TCP11L1: variants seen among roughly 807,000 people sequenced by gnomAD.
TCP11L1 encodes T-complex protein 11-like protein 1.
TCP11L1 carries 28 observed loss-of-function variants against 48.9 expected under a neutral mutation model. That is an observed-to-expected ratio of 0.57 (90% CI 0.42 to 0.78). TCP11L1 has a LOEUF of 0.78. TCP11L1 is among the 30% of genes least tolerant of loss of function. The probability of loss-of-function intolerance (pLI) is 0.00; values close to 1 mark genes in which losing one functional copy is unlikely to be tolerated. For synonymous variants in TCP11L1, 204 were observed against 231.9 expected, an observed-to-expected ratio of 0.88 and a Z score of 1.09; for missense variants, 505 against 613.4, an observed-to-expected ratio of 0.82 and a Z score of 1.87.
intron 1 of TCP11L1, among the ~76,000 whole-genome samples, chr11:33,042,320 C>T (rs932150645): frequency 6.6e-6 from 1 of 152,016 alleles, no homozygotes; most frequent in Non-Finnish European, 1.5e-5. Flanking sequence ...TTAGTGGAGA[C>T]GGGGTTTCAG....
At position 33,067,831 on chromosome 11, in the gene TCP11L1, TG is replaced by T. The variant is rs1283385721; in HGVS notation, c.1155-851del. On this transcript the variant is annotated intron_variant, in intron 8 of 9. Transcript: ENST00000334274. The stretch of plus-strand genomic sequence containing the variant: ...TCCCCACAGGCACCCTGGGAGAGCC[TG>T]GGGGACCCAGGGTATCCAGGTACTC... Among the ~76,000 whole-genome samples the T allele has an allele frequency of 2.0e-5, 3 of 152,148 alleles. No homozygotes were observed. In the East Asian group the frequency reaches 5.8e-4, roughly 29 times the overall value.
chr11:33,063,951 A>T (rs1237293944), intron 7 of TCP11L1, among the ~76,000 whole-genome samples: 2 of 152,046 alleles, frequency 1.3e-5, no homozygotes, highest in African/African-American at 4.8e-5. Context: ...TGACATGTCT[A>T]TTTAAAAATA....
intron 8 of TCP11L1, among the ~76,000 whole-genome samples, chr11:33,067,559 G>C (rs1394361218): frequency 2.6e-5 from 4 of 152,210 alleles, no homozygotes; most frequent in Non-Finnish European, 4.4e-5. Context: ...CTGTCACCTA[G>C]GTCCCCTGCC....
chr11:33,063,035 T>A (rs924636719), intron 7 of TCP11L1, among the ~76,000 whole-genome samples: 2 of 152,082 alleles, frequency 1.3e-5, no homozygotes, highest in African/African-American at 4.8e-5. Flanking sequence ...AATTTTTAAG[T>A]GTGTTTTTTG....
chr11:33,042,684 G>A (rs1323346942), intron 1 of TCP11L1, among the ~76,000 whole-genome samples: 1 of 152,208 alleles, frequency 6.6e-6, no homozygotes, highest in Non-Finnish European at 1.5e-5. Flanking sequence ...TGTAATCCCA[G>A]TACTTTGGGA....
intron 5 of TCP11L1, among the ~76,000 whole-genome samples, chr11:33,058,563 A>G (rs1032748972): frequency 6.6e-6 from 1 of 151,546 alleles, no homozygotes; most frequent in East Asian, 1.9e-4. Flanking sequence ...AAAAAAAAAA[A>G]TTTGTAAAAT....
Position 33,066,829 on chromosome 11 carries a change from A to G in TCP11L1, c.1154+818A>G, listed in dbSNP as rs146263358. ...AATTGGGACAAAAATGTTTGTGACTAGGACCTGCAGTAAGAAATTCATTTT... is the reference window on the plus strand; with the variant it reads ...AATTGGGACAAAAATGTTTGTGACTGGGACCTGCAGTAAGAAATTCATTTT... On this transcript the variant is annotated intron_variant, in intron 8 of 9. Coordinates refer to ENST00000334274, the MANE Select transcript of TCP11L1 (RefSeq NM_018393.4). 4.7e-3 allele frequency among the ~76,000 whole-genome samples: 720 copies of G among 152,336 alleles called. 7 individuals are homozygous for G. Among genetic ancestry groups the G allele is most frequent in the Admixed American group, 7.6e-3 (117 of 15,304 alleles).
rs1472972738 is a variant in TCP11L1 at position 33,054,624 on chromosome 11, A to G, written c.195A>G (p.Glu65=). The G allele has an allele frequency of 5.6e-6, 9 of 1,613,532 alleles. No individual in the cohort carries two copies. Among genetic ancestry groups the G allele is most frequent in the Non-Finnish European group, 7.6e-6 (9 of 1,179,832 alleles). ...SSPPRFVTVE[E]LLETARGVTN... ...CTCCTCGCTTTGTGACAGTAGAAGA[A>G]CTTCTAGAGACAGCGAGAGGTGTCA... Residue 65 remains glutamate (E), a synonymous_variant, in exon 3 of 10, where the codon GAA becomes GAG. Coordinates refer to ENST00000334274, the MANE Select transcript of TCP11L1 (RefSeq NM_018393.4).
At chr11:33,042,352 G>A (rs868687385) in intron 1 of TCP11L1, among the ~76,000 whole-genome samples, 1 of 152,104 alleles carries the variant, frequency 6.6e-6, no homozygotes, top group South Asian at 2.1e-4. Flanking sequence ...GGATGGTCTC[G>A]ATCTCTTGAC....
chr11:33,040,489 A>G (rs1022706301), intron 1 of TCP11L1: 1 of 152,278 alleles, frequency 6.6e-6, no homozygotes, highest in Non-Finnish European at 1.5e-5. Flanking sequence ...CCAGCCTCCC[A>G]GATACAGTGA....
At chr11:33,064,495 C>G (rs989709866) in intron 7 of TCP11L1, among the ~76,000 whole-genome samples, 21 of 152,204 alleles carry the variant, frequency 1.4e-4, no homozygotes, top group African/African-American at 3.9e-4. Flanking sequence ...TCTGTGCAGC[C>G]TTTCCCTTCT....
rs1347658378 is a variant in TCP11L1, at chr11:33,070,692, A to C, written c.1328-1782A>C. On this transcript the variant is annotated intron_variant, in intron 9 of 9. Coordinates refer to ENST00000334274, the MANE Select transcript of TCP11L1 (RefSeq NM_018393.4). The stretch of plus-strand genomic sequence containing the variant: ...AAGAGCTAAAGTCTGTCTCAAAAAA[A>C]AAAAAAAAAAAAAGAATAAGGGTGA... 4.1e-3 allele frequency among the ~76,000 whole-genome samples: 623 copies of C among 151,212 alleles called. 3 individuals are homozygous for C. The highest frequency in any genetic ancestry group is 7.7e-3 in the Non-Finnish European group (524 of 67,788).
At chr11:33,043,291 T>C (rs1263240452) in intron 1 of TCP11L1, among the ~76,000 whole-genome samples, 1 of 152,184 alleles carries the variant, frequency 6.6e-6, no homozygotes, top group Non-Finnish European at 1.5e-5. Context: ...CACATGATAA[T>C]ATCAAGGAAT....
intron 2 of TCP11L1, among the ~76,000 whole-genome samples, chr11:33,048,529 C>T (rs1488492447): frequency 2.0e-5 from 3 of 152,196 alleles, no homozygotes; most frequent in African/African-American, 4.8e-5. Context: ...GTATGTACAT[C>T]GGTAACATGT....
intron 6 of TCP11L1, among the ~76,000 whole-genome samples, chr11:33,060,623 C>T (rs985503023): frequency 6.6e-5 from 10 of 152,134 alleles, no homozygotes; most frequent in Non-Finnish European, 8.8e-5. Context: ...CAGAGTGCCC[C>T]CTGCATTACC....
At chr11:33,058,196 TTTTTC>T (rs907948796) in intron 5 of TCP11L1, 57 bp downstream of exon 5, 16 of 1,454,088 alleles carry the variant, frequency 1.1e-5, no homozygotes, top group South Asian at 1.4e-5. Context: ...CATTTTCTTT[TTTTTC>T]TTTTCTTTTT....
intron 9 of TCP11L1, 134 bp downstream of exon 9, chr11:33,068,993 A>G (rs1352137326): frequency 2.6e-6 from 3 of 1,171,752 alleles, no homozygotes; most frequent in East Asian, 5.2e-5. Flanking sequence ...GAAGCACCAC[A>G]GAGAGACCAG....
At chr11:33,069,446 T>TGAGA (rs1554945444) in intron 9 of TCP11L1, among the ~76,000 whole-genome samples, 1 of 151,854 alleles carries the variant, frequency 6.6e-6, no homozygotes, top group Non-Finnish European at 1.5e-5. Context: ...TAATGCATAT[T>TGAGA]CTATAAAATA....
chr11:33,048,723 G>A (rs972045104), intron 2 of TCP11L1, among the ~76,000 whole-genome samples: 4 of 152,164 alleles, frequency 2.6e-5, no homozygotes, highest in Non-Finnish European at 5.9e-5. Flanking sequence ...CACTGAGAAT[G>A]CACTTGTTTA....
Sources: gnomAD v4.1 joint callset for allele counts (sites outside exome capture counted in the v4.1 genomes callset) on GRCh38, gnomAD v4.1.1 for gene constraint, MANE v1.5 for transcripts, NCBI Gene and HGNC (gene_info 2026-07-23, HGNC 2026-07-21) for gene names.